The following SLC25A26 variants were observed in gnomAD, a reference collection of about 807,000 sequenced individuals.
The protein encoded by SLC25A26 is solute carrier family 25 member 26, also known as mitochondrial S-adenosylmethionine carrier protein.
SLC25A26 carries 36 observed loss-of-function variants against 37.8 expected under a neutral mutation model. The observed-to-expected ratio is 0.95, with a 90% CI of 0.73 to 1.26. SLC25A26 has a LOEUF of 1.26. Among genes scored for constraint, SLC25A26 ranks in the 50% most tolerant of loss-of-function variants. The pLI is 0.00. For synonymous variants in SLC25A26, 129 were observed against 122.5 expected (o/e 1.05, Z -0.35); for missense variants, 390 against 331.1 (o/e 1.18, Z -1.38).
chr3:66,193,394 C>T (rs1444496335), intron 1 of SLC25A26, among the ~76,000 whole-genome samples: 1 of 152,148 alleles, frequency 6.6e-6, no homozygotes, highest in African/African-American at 2.4e-5. Flanking sequence ...TTCTCTACAA[C>T]TATCATCAGA....
chr3:66,303,975 A>T (rs536380517), intron 5 of SLC25A26, among the ~76,000 whole-genome samples: 2 of 152,302 alleles, frequency 1.3e-5, no homozygotes, highest in East Asian at 1.9e-4. Flanking sequence ...GGTCCTTGCC[A>T]TGTGGCCCCC....
chr3:66,275,859 T>A (rs1484626351), intron 5 of SLC25A26, among the ~76,000 whole-genome samples: 2 of 152,148 alleles, frequency 1.3e-5, no homozygotes, highest in Non-Finnish European at 2.9e-5. Context: ...ATGAAGAAGA[T>A]CCTTCATTAG....
intron 5 of SLC25A26, among the ~76,000 whole-genome samples, chr3:66,338,181 T>C (rs925769874): frequency 3.3e-5 from 5 of 152,010 alleles, no homozygotes; most frequent in African/African-American, 1.2e-4. Context: ...GTATCAATAA[T>C]TTTTTTCATT....
intron 5 of SLC25A26, among the ~76,000 whole-genome samples, chr3:66,303,570 C>T (rs1218934306): frequency 6.6e-6 from 1 of 152,200 alleles, no homozygotes; most frequent in African/African-American, 2.4e-5. Flanking sequence ...GAATGTCCCA[C>T]ATTTTTCACT....
chr3:66,218,289 C>T (rs2071391806), upstream of SLC25A26, among the ~76,000 whole-genome samples: 2 of 152,288 alleles, frequency 1.3e-5, no homozygotes, highest in South Asian at 4.1e-4. Context: ...GATAAAGCTG[C>T]TTTGAAATAT....
chr3:66,199,827 T>A (rs2071087244), intron 1 of SLC25A26, among the ~76,000 whole-genome samples: 2 of 152,100 alleles, frequency 1.3e-5, no homozygotes, highest in Admixed American at 1.3e-4. Flanking sequence ...ACCTGACACC[T>A]GATCCTTATG....
At chr3:66,161,912 A>C (rs2070364854) in intron 1 of SLC25A26, among the ~76,000 whole-genome samples, 1 of 152,312 alleles carries the variant, frequency 6.6e-6, no homozygotes, top group Middle Eastern at 3.4e-3. Context: ...GAAAAGAAAA[A>C]TGAACGATGG....
intron 1 of SLC25A26, among the ~76,000 whole-genome samples, chr3:66,230,134 A>G (rs145935299): frequency 0.053 from 8,022 of 152,054 alleles, 314 homozygotes; most frequent in East Asian, 0.19. Flanking sequence ...CCACGTTTCT[A>G]TTTTAGCACC....
chr3:66,148,721 C>T (rs2070155854), intron 1 of SLC25A26, among the ~76,000 whole-genome samples: 1 of 152,100 alleles, frequency 6.6e-6, no homozygotes, highest in South Asian at 2.1e-4. Flanking sequence ...TTTCTTCTTC[C>T]TGGTTCTTTA....
intron 5 of SLC25A26, among the ~76,000 whole-genome samples, chr3:66,285,869 T>C (rs992820480): frequency 1.3e-5 from 2 of 152,126 alleles, no homozygotes; most frequent in East Asian, 1.9e-4. Flanking sequence ...CTGCCCTTAC[T>C]AGAGGGGAAA....
At chr3:66,258,159 C>T (rs374820429) in intron 3 of SLC25A26, among the ~76,000 whole-genome samples, 26 of 152,274 alleles carry the variant, frequency 1.7e-4, no homozygotes, top group East Asian at 1.5e-3. Context: ...ACCTCCCTAA[C>T]AAGGGGTGGC....
chr3:66,154,540 CTTTTTTT>C (rs60639995), intron 1 of SLC25A26, among the ~76,000 whole-genome samples: 92 of 130,400 alleles, frequency 7.1e-4, no homozygotes, highest in Admixed American at 1.3e-3. Context: ...TTCTTTTTTT[CTTTTTTT>C]TTTTTTTTTT....
intron 5 of SLC25A26, among the ~76,000 whole-genome samples, chr3:66,292,698 C>T (rs1158390458): frequency 5.3e-5 from 8 of 152,176 alleles, no homozygotes; most frequent in East Asian, 3.9e-4. Flanking sequence ...GTGGGTAACC[C>T]GACCTTTCTC....
chr3:66,184,276 T>A (rs963166910), intron 1 of SLC25A26, among the ~76,000 whole-genome samples: 2 of 151,984 alleles, frequency 1.3e-5, no homozygotes, highest in Non-Finnish European at 2.9e-5. Context: ...ACCCTTGGAC[T>A]TTCCCACCCT....
intron 9 of SLC25A26, among the ~76,000 whole-genome samples, chr3:66,374,760 A>T (rs1001849878): frequency 6.6e-6 from 1 of 152,164 alleles, no homozygotes; most frequent in Non-Finnish European, 1.5e-5. Context: ...GTGTGCCTGT[A>T]GTCCCAGCTA....
intron 1 of SLC25A26, among the ~76,000 whole-genome samples, chr3:66,161,100 T>A (rs764747693): frequency 1.3e-5 from 2 of 152,112 alleles, no homozygotes; most frequent in African/African-American, 2.4e-5. Flanking sequence ...AGTCTAGATA[T>A]TATTGGGTGG....
Position 66,199,388 on chromosome 3 carries a change from C to G in SLC25A26, c.-353-21354C>G, listed in dbSNP as rs916440876. ...CTGAACAATGACTCTTATCCTAAAC[C>G]TCACTGTCACTCTCATGTTGACTAT... On this transcript the variant is annotated intron_variant, in intron 1 of 10. Transcript: ENST00000676754. 1.1e-3 allele frequency among the ~76,000 whole-genome samples: 167 copies of G among 152,112 alleles called. 5 individuals are homozygous for G. Among genetic ancestry groups the G allele is most frequent in the African/African-American group, 3.7e-3 (153 of 41,490 alleles).
Position 66,365,898 on chromosome 3 carries a change from G to T in SLC25A26, c.568+2969G>T, listed in dbSNP as rs543573447. On this transcript the variant is annotated intron_variant, in intron 7 of 9. Coordinates refer to ENST00000354883, the MANE Select transcript of SLC25A26 (RefSeq NM_001379210.1). ...TGGAGGAGCAATGAATGGCAGCAAG[G>T]TTGCCCAGGGGTGGGTTCGGGCACT... Among the ~76,000 whole-genome samples the T allele has an allele frequency of 3.5e-4, 53 of 152,268 alleles. 1 individual carries two copies. The highest frequency in any genetic ancestry group is 7.8e-4 in the Admixed American group (12 of 15,296).
Position 66,135,898 on chromosome 3 carries a change from A to G in SLC25A26, c.-354+1914A>G, listed in dbSNP as rs57941727. Among the ~76,000 whole-genome samples, 893 of 152,374 alleles carry G rather than the reference A, an allele frequency of 5.9e-3. 13 individuals carry two copies. Among genetic ancestry groups the G allele is most frequent in the African/African-American group, 0.02 (841 of 41,592 alleles). Reference sequence around the variant, plus strand: ...AATATTCACATTGGATATTCTTTCAATGAAATACCTGTCTTTAGAGACCAC... The same window carrying G: ...AATATTCACATTGGATATTCTTTCAGTGAAATACCTGTCTTTAGAGACCAC... On this transcript the variant is annotated intron_variant, in intron 1 of 10. Coordinates refer to the SLC25A26 transcript ENST00000676754.
Sources: allele counts gnomAD v4.1 joint callset (sites outside exome capture counted in the v4.1 genomes callset), GRCh38; gene constraint gnomAD v4.1.1; transcripts MANE v1.5; gene names NCBI Gene and HGNC (gene_info 2026-07-23, HGNC 2026-07-21).